Variants in ROCK1 observed in about 807,000 individuals in gnomAD.
The protein encoded by ROCK1 is rho-associated protein kinase 1.
ROCK1 carries 36 observed loss-of-function variants against 196.8 expected under a neutral mutation model. The observed-to-expected ratio is 0.18, with a 90% CI of 0.14 to 0.24. The LOEUF (loss-of-function observed/expected upper bound fraction) is 0.24, where lower values mean the gene tolerates loss of function less well. Among genes scored for constraint, ROCK1 ranks in the 10% least tolerant of loss-of-function variants. The pLI is 1.00. For missense variants in ROCK1, 920 were observed against 1,562.0 expected (o/e 0.59, Z 6.93); for synonymous variants, 443 against 515.9 (o/e 0.86, Z 1.91).
At chr18:21,080,443 G>A (rs753045836) in intron 1 of ROCK1, among the ~76,000 whole-genome samples, 3 of 152,000 alleles carry the variant, frequency 2.0e-5, no homozygotes, top group African/African-American at 4.8e-5. Context: ...TGTCAACAAA[G>A]AGAAAGAAAC....
chr18:21,088,774 T>C (rs1327020312), intron 1 of ROCK1, among the ~76,000 whole-genome samples: 1 of 152,122 alleles, frequency 6.6e-6, no homozygotes, highest in African/African-American at 2.4e-5. Context: ...TTTGTCCTTT[T>C]GCCTTCTACC....
In ROCK1 at chr18:20,947,437, A is replaced by AATAT. The variant is rs1441660437; in HGVS notation, c.*3943_*3946dup. On this transcript the variant is annotated 3_prime_UTR_variant, in exon 33 of 33. Coordinates refer to ENST00000399799, the MANE Select transcript of ROCK1 (RefSeq NM_005406.3). Reference sequence around the variant, plus strand: ...TAAAAGCATAAAAGATTTGGCAGTAAATATATCTAGGCCATTGAGCATGGC... The same window carrying AATAT: ...TAAAAGCATAAAAGATTTGGCAGTAAATATATATATCTAGGCCATTGAGCATGGC... 3 of 152,166 alleles carry AATAT rather than the reference A, an allele frequency of 2.0e-5. No homozygotes were observed. Among genetic ancestry groups the AATAT allele is most frequent in the African/African-American group, 7.2e-5 (3 of 41,444 alleles). The allele number at this position is 152,166 out of a possible 1,614,324, so 9.4% of individuals were successfully genotyped here. A position where few individuals can be genotyped will look rare whatever the true frequency, so the allele number is the denominator to read the frequency against.
chr18:21,052,192 C>T (rs144056297), intron 2 of ROCK1, among the ~76,000 whole-genome samples: 93 of 152,324 alleles, frequency 6.1e-4, no homozygotes, highest in African/African-American at 2.2e-3. Context: ...TACAGGTTTA[C>T]GTGCTAACAA....
intron 18 of ROCK1, among the ~76,000 whole-genome samples, chr18:20,989,347 T>C (rs749938085): frequency 3.9e-5 from 6 of 152,166 alleles, no homozygotes; most frequent in Non-Finnish European, 7.3e-5. Flanking sequence ...GGCCATTAAC[T>C]AGGTTAGTGA....
chr18:21,020,198 C>T lies in ROCK1; in HGVS notation c.1314G>A (p.Gln438=), dbSNP rs2143462725. The change falls in exon 12 of 33, where the codon CAG becomes CAA. Residue 438 remains glutamine (Q), a synonymous_variant. Transcript: ENST00000399799. ...LQKTIYKLEE[Q]LHNEMQLKDE... is the part of the protein sequence containing the mutation. ...CTTTTAACTGCATTTCATTATGCAG[C>T]TGTTCTTCCAGCTTATAGATTGTTT... 6.3e-7 allele frequency: 1 copy of T among 1,598,386 alleles called. No individual in the cohort carries two copies. The highest frequency in any genetic ancestry group is 8.5e-7 in the Non-Finnish European group (1 of 1,175,558).
intron 20 of ROCK1, among the ~76,000 whole-genome samples, chr18:20,983,290 GAT>G (rs1373369526): frequency 6.7e-6 from 1 of 148,742 alleles, no homozygotes; most frequent in Non-Finnish European, 1.5e-5. Context: ...CTGCATACTA[GAT>G]ATTATGGCCA....
intron 11 of ROCK1, among the ~76,000 whole-genome samples, chr18:21,023,335 T>C (rs2032101794): frequency 6.6e-6 from 1 of 152,150 alleles, no homozygotes; most frequent in Non-Finnish European, 1.5e-5. Flanking sequence ...CCCTTAATGA[T>C]ACATTGATAT....
intron 1 of ROCK1, among the ~76,000 whole-genome samples, chr18:21,080,068 A>G (rs2036470397): frequency 6.6e-6 from 1 of 152,274 alleles, no homozygotes; most frequent in East Asian, 1.9e-4. Flanking sequence ...TCGGTATGTG[A>G]TCCACGTGTG....
intron 22 of ROCK1, among the ~76,000 whole-genome samples, chr18:20,978,653 T>C (rs2035502311): frequency 6.6e-6 from 1 of 152,196 alleles, no homozygotes; most frequent in Non-Finnish European, 1.5e-5. Flanking sequence ...ATGGGGAATG[T>C]TCAACCAACT....
At chr18:21,066,141 C>T (rs761893483) in intron 2 of ROCK1, among the ~76,000 whole-genome samples, 11 of 152,010 alleles carry the variant, frequency 7.2e-5, no homozygotes, top group South Asian at 2.1e-4. Context: ...AGAATTTCAG[C>T]GGTATGTAAA....
At chr18:21,002,306 G>C (rs1308928967) in intron 16 of ROCK1, among the ~76,000 whole-genome samples, 4 of 152,150 alleles carry the variant, frequency 2.6e-5, no homozygotes, top group Non-Finnish European at 2.9e-5. Flanking sequence ...GCAAGGATGT[G>C]ATCTAAAACT....
At chr18:20,975,890 C>T (rs1426456922) in intron 22 of ROCK1, among the ~76,000 whole-genome samples, 3 of 152,232 alleles carry the variant, frequency 2.0e-5, no homozygotes, top group South Asian at 2.1e-4. Flanking sequence ...GGATTACAGG[C>T]GTGAGCCACC....
intron 19 of ROCK1, among the ~76,000 whole-genome samples, chr18:20,985,188 C>T (rs1187638448): frequency 6.6e-6 from 1 of 152,032 alleles, no homozygotes; most frequent in African/African-American, 2.4e-5. Context: ...CCCTTCAAAG[C>T]TTAACCAAAC....
chr18:21,016,594 A>G (rs2143455617), intron 12 of ROCK1, among the ~76,000 whole-genome samples: 1 of 152,252 alleles, frequency 6.6e-6, no homozygotes, highest in East Asian at 1.9e-4. Context: ...TGTCTCATTA[A>G]ATACCTCATT....
intron 1 of ROCK1, among the ~76,000 whole-genome samples, chr18:21,080,198 C>T (rs981777235): frequency 2.0e-5 from 3 of 152,032 alleles, no homozygotes; most frequent in African/African-American, 7.3e-5. Context: ...AAAATCACCA[C>T]ATTATAACAG....
At chr18:21,047,258 T>C (rs1237471626) in intron 4 of ROCK1, among the ~76,000 whole-genome samples, 1 of 152,212 alleles carries the variant, frequency 6.6e-6, no homozygotes, top group Non-Finnish European at 1.5e-5. Flanking sequence ...GGTTGTTAAC[T>C]AGTGGTGAAA....
rs373333472 is a variant in ROCK1 at position 21,067,383 on chromosome 18, CTTTTTTTTTTTTT to C, written c.175+3136_175+3148del. Among the ~76,000 whole-genome samples the C allele has an allele frequency of 8.0e-5, 10 of 125,322 alleles. No homozygotes were observed. In the East Asian group the frequency reaches 8.9e-4, roughly 11 times the overall value. The allele number at this position is 125,322 out of a possible 152,430, so 82.2% of individuals were successfully genotyped here. On this transcript the variant is annotated intron_variant, in intron 2 of 32. Coordinates refer to ENST00000399799, the MANE Select transcript of ROCK1 (RefSeq NM_005406.3). ...CTATTTTGTAAGTTGTCTTTTCACTCTTTTTTTTTTTTTTTTTTTTTGAGACAAAGTCTTGCTC... is the reference window on the plus strand; with the variant it reads ...CTATTTTGTAAGTTGTCTTTTCACTCTTTTTTTTGAGACAAAGTCTTGCTC...
At chr18:21,025,604 G>T (rs1320355364) in intron 10 of ROCK1, among the ~76,000 whole-genome samples, 1 of 152,110 alleles carries the variant, frequency 6.6e-6, no homozygotes, top group Non-Finnish European at 1.5e-5. Flanking sequence ...AGGCATGGTG[G>T]TACGCACCTG....
chr18:21,049,406 T>C (rs2036186208), intron 3 of ROCK1, among the ~76,000 whole-genome samples, 177 bp from the exon 4 acceptor site: 1 of 152,240 alleles, frequency 6.6e-6, no homozygotes, highest in Non-Finnish European at 1.5e-5. Context: ...GTCAAGACTT[T>C]AATTATCAGA....
Sources: allele counts gnomAD v4.1 joint callset (sites outside exome capture counted in the v4.1 genomes callset), GRCh38; gene constraint gnomAD v4.1.1; transcripts MANE v1.5; gene names NCBI Gene and HGNC (gene_info 2026-07-23, HGNC 2026-07-21).